The following SERPINC1 variants were observed in gnomAD, a reference collection of about 807,000 sequenced individuals.
SERPINC1 encodes antithrombin-III.
Under a neutral mutation model 43.4 loss-of-function variants are expected in SERPINC1, and 12 were observed. The observed-to-expected ratio is 0.28, with a 90% CI of 0.18 to 0.45. The LOEUF is 0.45. Among genes scored for constraint, SERPINC1 ranks in the 20% least tolerant of loss-of-function variants. SERPINC1 has a pLI of 1.00. For missense variants in SERPINC1, 423 were observed against 578.8 expected, an observed-to-expected ratio of 0.73 and a Z score of 2.76; for synonymous variants, 210 against 218.9, an observed-to-expected ratio of 0.96 and a Z score of 0.36.
At chr1:173,910,997 C>G in intron 3 of SERPINC1, 106 bp from the exon 4 acceptor site, 1 of 1,327,786 alleles carries the variant, frequency 7.5e-7, no homozygotes, top group Non-Finnish European at 1.1e-6. Flanking sequence ...TCCTTTCCCA[C>G]CATTTGATTA....
intron 1 of SERPINC1, 185 bp from the exon 2 acceptor site, chr1:173,915,104 C>G: frequency 1.4e-6 from 2 of 1,461,252 alleles, no homozygotes; most frequent in South Asian, 2.8e-5. Flanking sequence ...TGCCAGGGGA[C>G]AGTTCAGTTG....
intron 1 of SERPINC1, 82 bp downstream of exon 1, chr1:173,917,137 G>T: frequency 8.5e-7 from 1 of 1,176,128 alleles, no homozygotes; most frequent in East Asian, 2.3e-5. Flanking sequence ...CTTCTCAAAG[G>T]TGTTGGAGGT....
chr1:173,914,973 G>A, intron 1 of SERPINC1, 54 bp from the exon 2 acceptor site: 1 of 1,586,644 alleles, frequency 6.3e-7, no homozygotes, highest in South Asian at 1.1e-5. Flanking sequence ...TAGCCCCACT[G>A]CCCACCACAG....
intron 6 of SERPINC1, among the ~76,000 whole-genome samples, chr1:173,907,105 G>A (rs1657550016): frequency 1.3e-5 from 2 of 148,796 alleles, no homozygotes; most frequent in East Asian, 2.0e-4. Context: ...ACGAGCGAAC[G>A]AAGCTCTGTC....
At position 173,907,484 on chromosome 1, in the gene SERPINC1, T is replaced by C. The variant is rs777327592; in HGVS notation, c.1184A>G (p.Tyr395Cys). ...TGCCTTATGGAATGCATCTGAGACA[T>C]AGAGGTCATCTCGGCCTTCTGCAAC... is the stretch of plus-strand genomic sequence containing the variant. ...GIVAEGRDDL[Y>C]VSDAFHKAFL... Residue 395 changes from tyrosine (Y) to cysteine (C), a missense_variant, in exon 6 of 7, where the codon TAT (tyrosine) becomes TGT (cysteine). Physicochemically the swap from Tyr to Cys is radical, Grantham distance 194 (BLOSUM62 -2). Coordinates refer to ENST00000367698, the MANE Select transcript of SERPINC1 (RefSeq NM_000488.4). 3.7e-6 allele frequency: 6 copies of C among 1,613,756 alleles called. No homozygotes were observed. The highest frequency in any genetic ancestry group is 2.7e-5 in the African/African-American group (2 of 74,890).
At chr1:173,915,156 A>G in intron 1 of SERPINC1, 5 of 1,412,232 alleles carry the variant, frequency 3.5e-6, no homozygotes, top group Non-Finnish European at 4.6e-6. Flanking sequence ...TCTGATGGTT[A>G]TTTGGAGTAT....
intron 5 of SERPINC1, 93 bp from the exon 6 acceptor site, chr1:173,907,607 G>C (rs1657574888): frequency 6.8e-6 from 6 of 884,408 alleles, no homozygotes; most frequent in Non-Finnish European, 1.2e-5. Flanking sequence ...AGATCCTTTG[G>C]GGCTTTTTGA....
Position 173,907,578 on chromosome 1 carries a change from G to A in SERPINC1, c.1154-64C>T, listed in dbSNP as rs551665576. ...AAAGTTGGCTTCAACCCACAGATGG[G>A]AATTCAGTTTGGATTAAGAGATCCT... On this transcript the variant is annotated intron_variant, in intron 5 of 6. Coordinates refer to ENST00000367698, the MANE Select transcript of SERPINC1 (RefSeq NM_000488.4). 4.5e-5 allele frequency: 53 copies of A among 1,168,112 alleles called. No homozygotes were observed. The Admixed American group carries it at 8.7e-4, about 19-fold the overall frequency. 72.4% of individuals were successfully genotyped at this position (1,168,112 alleles called of 1,614,324 possible). A position where few individuals can be genotyped will look rare whatever the true frequency, so the allele number is the denominator to read the frequency against.
In SERPINC1 at chr1:173,909,678, A is replaced by G. The variant is rs1572088485; in HGVS notation, c.1027T>C (p.Leu343=). The G allele has an allele frequency of 1.2e-6, 2 of 1,613,802 alleles. No individual in the cohort carries two copies. Among genetic ancestry groups the G allele is most frequent in the Non-Finnish European group, 1.7e-6 (2 of 1,179,782 alleles). ...PEVLQEWLDE[L]EEMMLVVHMP... ...TGGACCACCAGCATCATCTCCTCCA[A>G]TTCATCCAGCCACTCTTGCAGCACC... is the stretch of plus-strand genomic sequence containing the variant. The change falls in exon 5 of 7, where the codon TTG becomes CTG. Residue 343 remains leucine (L), a synonymous_variant. Transcript: ENST00000367698.
intron 6 of SERPINC1, among the ~76,000 whole-genome samples, chr1:173,904,769 T>C (rs2102774711): frequency 6.6e-6 from 1 of 152,278 alleles, no homozygotes; most frequent in East Asian, 1.9e-4. Context: ...TTCCCCTTCC[T>C]TTGTTCCTCC....
chr1:173,907,496 C>T lies in SERPINC1; in HGVS notation c.1172G>A (p.Arg391Gln), dbSNP rs201541724. The part of the protein sequence containing the change: ...SKLPGIVAEG[R>Q]DDLYVSDAFH... Reference sequence around the variant, plus strand: ...TGCATCTGAGACATAGAGGTCATCTCGGCCTTCTGCAACAATACCTGGAAG... The same window carrying T: ...TGCATCTGAGACATAGAGGTCATCTTGGCCTTCTGCAACAATACCTGGAAG... The change falls in exon 6 of 7, where the codon CGA becomes CAA. Residue 391 changes from arginine (R) to glutamine (Q), a missense_variant. Arg to Gln is a conservative substitution (Grantham distance 43). Coordinates refer to ENST00000367698, the MANE Select transcript of SERPINC1 (RefSeq NM_000488.4). The T allele has an allele frequency of 7.5e-5, 121 of 1,613,790 alleles. No individual in the cohort carries two copies. Among genetic ancestry groups the T allele is most frequent in the Non-Finnish European group, 9.4e-5 (111 of 1,179,848 alleles).
chr1:173,912,150 C>A, intron 2 of SERPINC1, 136 bp from the exon 3 acceptor site: 1 of 700,260 alleles, frequency 1.4e-6, no homozygotes, highest in Non-Finnish European at 2.6e-6. Context: ...CCTGGGACAG[C>A]ATAAATGCTC....
At chr1:173,907,657 C>G in intron 5 of SERPINC1, 143 bp from the exon 6 acceptor site, 1 of 744,796 alleles carries the variant, frequency 1.3e-6, no homozygotes. Flanking sequence ...TAATCATACT[C>G]TCACAATGAA....
chr1:173,910,740 G>A lies in SERPINC1; in HGVS notation c.762+14C>T. On this transcript the variant is annotated intron_variant, in intron 4 of 6. Transcript: ENST00000367698. Reference sequence around the variant, plus strand: ...AGGAAGTCCCTGGGGTCTCTCCAGGGCCATTCTGAGTACCTTGAAGTAAAT... The same window carrying A: ...AGGAAGTCCCTGGGGTCTCTCCAGGACCATTCTGAGTACCTTGAAGTAAAT... 1 of 1,613,522 alleles carries A rather than the reference G, an allele frequency of 6.2e-7. No homozygotes were observed. Among genetic ancestry groups the A allele is most frequent in the Non-Finnish European group, 8.5e-7 (1 of 1,179,520 alleles).
At position 173,915,186 on chromosome 1, in the gene SERPINC1, G is replaced by A. The variant is rs905463417; in HGVS notation, c.42-267C>T. 71 of 1,341,530 alleles carry A rather than the reference G, an allele frequency of 5.3e-5. 1 individual carries two copies. The highest frequency in any genetic ancestry group is 9.7e-5 in the Admixed American group (3 of 30,866). The allele number at this position is 1,341,530 out of a possible 1,614,324, so 83.1% of individuals were successfully genotyped here. A position where few individuals can be genotyped will look rare whatever the true frequency, so the allele number is the denominator to read the frequency against. On this transcript the variant is annotated intron_variant, in intron 1 of 6. Coordinates refer to ENST00000367698, the MANE Select transcript of SERPINC1 (RefSeq NM_000488.4). ...GAGTATTATGTGCTCAATTCCCCAC[G>A]CTGGGAGAAAAAAGAATGAGAAGCT...
At chr1:173,910,923 T>C in intron 3 of SERPINC1, 32 bp from the exon 4 acceptor site, 3 of 1,613,366 alleles carry the variant, frequency 1.9e-6, no homozygotes, top group South Asian at 2.2e-5. Context: ...CCTACTCACC[T>C]GTGCTATTCA....
In SERPINC1 at chr1:173,914,724, A is replaced by G. The variant is rs781591817; in HGVS notation, c.237T>C (p.Arg79=). 2 of 1,614,124 alleles carry G rather than the reference A, an allele frequency of 1.2e-6. No individual in the cohort carries two copies. Among genetic ancestry groups the G allele is most frequent in the Non-Finnish European group, 1.7e-6 (2 of 1,180,064 alleles). The part of the protein sequence containing the change: ...EQKIPEATNR[R]VWELSKANSR... ...AATTGGCCTTGGACAGTTCCCAGAC[A>G]CGCCGGTTGGTGGCCTCCGGGATCT... Residue 79 remains arginine (R), a synonymous_variant, in exon 2 of 7, where the codon CGT becomes CGC. Transcript: ENST00000367698.
chr1:173,907,984 A>AAATAATAATAATAAT lies in SERPINC1; in HGVS notation c.1154-485_1154-471dup, dbSNP rs57195053. On this transcript the variant is annotated intron_variant, in intron 5 of 6. Transcript: ENST00000367698. ...CAACAAGAGCAAAACTGCATCTCAA[A>AAATAATAATAATAAT]AATAATAATAATAATAATAATAATA... is the stretch of plus-strand genomic sequence containing the variant. Among the ~76,000 whole-genome samples, 234 of 139,430 alleles carry AAATAATAATAATAAT rather than the reference A, an allele frequency of 1.7e-3. 1 individual carries two copies. The highest frequency in any genetic ancestry group is 1.9e-3 in the East Asian group (9 of 4,734). 91.5% of individuals were successfully genotyped at this position (139,430 alleles called of 152,430 possible).
rs745970800 is a variant in SERPINC1, at chr1:173,910,760, G to A, written c.756C>T (p.Tyr252=). The A allele has an allele frequency of 9.9e-6, 16 of 1,613,960 alleles. No individual in the cohort carries two copies. Among genetic ancestry groups the A allele is most frequent in the Non-Finnish European group, 1.4e-5 (16 of 1,179,976 alleles). The change falls in exon 4 of 7, where the codon TAC becomes TAT. Residue 252 remains tyrosine (Y), a synonymous_variant. Coordinates refer to ENST00000367698, the MANE Select transcript of SERPINC1 (RefSeq NM_000488.4). ...CCAGGGCCATTCTGAGTACCTTGAA[G>A]TAAATGGTGTTAACCAGCACCAGAA... ...LTVLVLVNTI[Y]FKGLWKSKFS...
Sources: gnomAD v4.1 joint callset for allele counts (sites outside exome capture counted in the v4.1 genomes callset) on GRCh38, gnomAD v4.1.1 for gene constraint, MANE v1.5 for transcripts, NCBI Gene and HGNC (gene_info 2026-07-23, HGNC 2026-07-21) for gene names.